The following SOX5 variants were observed in gnomAD, a reference collection of about 807,000 sequenced individuals.
SOX5 encodes transcription factor SOX-5.
Under a neutral mutation model 92.0 loss-of-function variants are expected in SOX5, and 9 were observed. The observed-to-expected ratio is 0.10, with a 90% CI of 0.06 to 0.17. The LOEUF is 0.17. SOX5 is among the 10% of genes least tolerant of loss of function. The pLI is 1.00. For missense variants in SOX5, 642 were observed against 944.5 expected (o/e 0.68, Z 4.20); for synonymous variants, 344 against 336.3 (o/e 1.02, Z -0.25).
chr12:24,233,737 T>G (rs1009749862), intron 3 of SOX5, among the ~76,000 whole-genome samples: 1 of 152,228 alleles, frequency 6.6e-6, no homozygotes, highest in Non-Finnish European at 1.5e-5. Context: ...TTGTCCCTAT[T>G]GGGATATGAT....
At chr12:24,293,748 G>A (rs753644152) in intron 2 of SOX5, among the ~76,000 whole-genome samples, 3 of 152,056 alleles carry the variant, frequency 2.0e-5, no homozygotes, top group Non-Finnish European at 2.9e-5. Context: ...CAATGGGACC[G>A]ATCTCACCAT....
chr12:24,550,781 A>G (rs1263023763), intron 1 of SOX5, among the ~76,000 whole-genome samples: 1 of 152,240 alleles, frequency 6.6e-6, no homozygotes, highest in Admixed American at 6.5e-5. Context: ...GCAATAAAGC[A>G]CTTAAAAATG....
intron 1 of SOX5, among the ~76,000 whole-genome samples, chr12:24,378,275 A>G (rs1044228389): frequency 6.6e-5 from 10 of 152,240 alleles, no homozygotes; most frequent in Non-Finnish European, 1.3e-4. Context: ...GAGATTCCAT[A>G]TATTAATTTT....
At chr12:23,906,994 A>G (rs1043551806) in intron 1 of SOX5, among the ~76,000 whole-genome samples, 1 of 152,098 alleles carries the variant, frequency 6.6e-6, no homozygotes, top group Non-Finnish European at 1.5e-5. Context: ...TATCTCTAAT[A>G]AGGTATCTTT....
chr12:24,217,716 G>A (rs1179151888), intron 3 of SOX5, among the ~76,000 whole-genome samples: 30 of 152,078 alleles, frequency 2.0e-4, no homozygotes, highest in Non-Finnish European at 1.5e-5. Context: ...CCTACAGAAT[G>A]GGAGAAAATA....
chr12:24,151,847 A>G (rs2138840636), intron 4 of SOX5, among the ~76,000 whole-genome samples: 1 of 152,228 alleles, frequency 6.6e-6, no homozygotes, highest in East Asian at 1.9e-4. Flanking sequence ...TTCATAGAAT[A>G]CGATGCAAGA....
chr12:23,706,850 C>A (rs1482560786), intron 6 of SOX5, among the ~76,000 whole-genome samples: 1 of 151,646 alleles, frequency 6.6e-6, no homozygotes, highest in Non-Finnish European at 1.5e-5. Flanking sequence ...TAGTGCTAAT[C>A]CAACGTTATT....
chr12:23,645,511 T>TTCTCCATCCTAGGTG (rs767207069), intron 7 of SOX5, among the ~76,000 whole-genome samples: 1 of 152,188 alleles, frequency 6.6e-6, no homozygotes, highest in Non-Finnish European at 1.5e-5. Flanking sequence ...GATCACCTGG[T>TTCTCCATCCTAGGTG]TCTCCATCCT....
At chr12:23,884,501 T>C (rs1169210266) in intron 2 of SOX5, among the ~76,000 whole-genome samples, 1 of 152,100 alleles carries the variant, frequency 6.6e-6, no homozygotes, top group Non-Finnish European at 1.5e-5. Context: ...GCTAAAAAGA[T>C]TTTAAAAAAT....
chr12:23,566,879 G>C (rs1947200732), intron 10 of SOX5, among the ~76,000 whole-genome samples: 1 of 152,204 alleles, frequency 6.6e-6, no homozygotes, highest in South Asian at 2.1e-4. Flanking sequence ...CTTGGTAAGT[G>C]TGATATTTGA....
In SOX5 at chr12:23,578,117, C is replaced by CAAAAAAAAAAAAAAAAAAAAAAAAAAA. The variant is rs1163938652; in HGVS notation, c.1165-2306_1165-2280dup. ...CCTGCGCAACAGAGTGAGACTGTGT[C>CAAAAAAAAAAAAAAAAAAAAAAAAAAA]AAAAAAAAAAAAAAAAAAAAAAAAA... On this transcript the variant is annotated intron_variant, in intron 9 of 14. Transcript: ENST00000451604. Among the ~76,000 whole-genome samples the CAAAAAAAAAAAAAAAAAAAAAAAAAAA allele has an allele frequency of 1.4e-4, 5 of 34,896 alleles. 1 individual carries two copies. The highest frequency in any genetic ancestry group is 2.0e-4 in the Non-Finnish European group (4 of 20,466). 22.9% of individuals were successfully genotyped at this position (34,896 alleles called of 152,430 possible). A position where few individuals can be genotyped will look rare whatever the true frequency, so the allele number is the denominator to read the frequency against.
chr12:24,092,235 A>C (rs7966757), intron 4 of SOX5, among the ~76,000 whole-genome samples: 52,822 of 151,902 alleles, frequency 0.35, 10,173 homozygotes, highest in East Asian at 0.62. Flanking sequence ...TCTTTCTGCT[A>C]TTCTGGGGAA....
chr12:23,555,202 A>AATC (rs1565775823), intron 11 of SOX5, among the ~76,000 whole-genome samples: 1 of 152,194 alleles, frequency 6.6e-6, no homozygotes, highest in Non-Finnish European at 1.5e-5. Context: ...TACTTAAAAA[A>AATC]ATCAACATCA....
intron 4 of SOX5, among the ~76,000 whole-genome samples, chr12:24,017,117 T>C (rs1376015823): frequency 2.0e-5 from 3 of 152,228 alleles, no homozygotes; most frequent in Non-Finnish European, 4.4e-5. Context: ...TTAACATCTC[T>C]TTAAACCGTC....
chr12:24,029,088 C>T (rs1955201502), intron 4 of SOX5, among the ~76,000 whole-genome samples: 1 of 151,910 alleles, frequency 6.6e-6, no homozygotes, highest in East Asian at 1.9e-4. Flanking sequence ...ACAGGAGACA[C>T]AGCAAAATTA....
At chr12:24,389,314 C>A (rs905363346) in intron 1 of SOX5, among the ~76,000 whole-genome samples, 1 of 152,170 alleles carries the variant, frequency 6.6e-6, no homozygotes, top group East Asian at 1.9e-4. Context: ...GCATAGTATT[C>A]CATGGTGTAT....
chr12:24,000,499 A>T (rs145984393), intron 4 of SOX5, among the ~76,000 whole-genome samples: 28 of 152,218 alleles, frequency 1.8e-4, no homozygotes, highest in African/African-American at 4.3e-4. Context: ...ACATTGTGAT[A>T]ATTAGAAATG....
At chr12:23,833,393 C>T (rs1029990712) in intron 3 of SOX5, among the ~76,000 whole-genome samples, 17 of 152,078 alleles carry the variant, frequency 1.1e-4, no homozygotes, top group Non-Finnish European at 1.9e-4. Flanking sequence ...GGGTGCTTGT[C>T]TCCATTATGT....
intron 2 of SOX5, among the ~76,000 whole-genome samples, chr12:24,351,536 A>T (rs1954082973): frequency 6.6e-6 from 1 of 152,220 alleles, no homozygotes; most frequent in African/African-American, 2.4e-5. Context: ...AGTGGCCTTT[A>T]GGTACCTAGG....
Sources: allele counts gnomAD v4.1 joint callset (sites outside exome capture counted in the v4.1 genomes callset), GRCh38; gene constraint gnomAD v4.1.1; transcripts MANE v1.5; gene names NCBI Gene and HGNC (gene_info 2026-07-23, HGNC 2026-07-21).